The following CUL2 variants were observed in gnomAD, a reference collection of about 807,000 sequenced individuals.
CUL2 encodes the protein cullin 2.
In CUL2, 22 loss-of-function variants were observed where a neutral mutation model predicts 110.2. The observed-to-expected ratio is 0.20, with a 90% confidence interval of 0.14 to 0.28. CUL2 has a LOEUF of 0.28. Among genes scored for constraint, CUL2 ranks in the 10% least tolerant of loss-of-function variants. The probability of loss-of-function intolerance (pLI) is 1.00; values close to 1 mark genes in which losing one functional copy is unlikely to be tolerated. For missense variants in CUL2, 631 were observed against 905.5 expected, an observed-to-expected ratio of 0.70 and a Z score of 3.89; for synonymous variants, 279 against 293.2, an observed-to-expected ratio of 0.95 and a Z score of 0.49.
chr10:35,009,465 T>A lies in CUL2; in HGVS notation c.*846A>T, dbSNP rs1268075830. The A allele has an allele frequency of 6.6e-6, 1 of 151,976 alleles. No individual in the cohort carries two copies. The highest frequency in any genetic ancestry group is 1.9e-4 in the East Asian group (1 of 5,170). 9.4% of individuals were successfully genotyped at this position (151,976 alleles called of 1,614,324 possible). A position where few individuals can be genotyped will look rare whatever the true frequency, so the allele number is the denominator to read the frequency against. ...AGGCCACAGAGCTAGGGTACTAGTC[T>A]ATGCTAGAATTAATGGATTATGCAA... On this transcript the variant is annotated 3_prime_UTR_variant, in exon 21 of 21. Transcript: ENST00000374749.
intron 3 of CUL2, among the ~76,000 whole-genome samples, chr10:35,062,245 C>G (rs1249754514): frequency 6.6e-6 from 1 of 152,112 alleles, no homozygotes; most frequent in African/African-American, 2.4e-5. Flanking sequence ...AATAAAAAAA[C>G]TGGTCACAGA....
intron 2 of CUL2, among the ~76,000 whole-genome samples, chr10:35,069,393 CA>C (rs1390437852): frequency 1.3e-5 from 2 of 151,766 alleles, no homozygotes; most frequent in Non-Finnish European, 2.9e-5. Context: ...TTTTAAAAAT[CA>C]GCCAGGTGTG....
intron 1 of CUL2, among the ~76,000 whole-genome samples, chr10:35,073,591 TTTTTTC>T (rs59923574): frequency 2.6e-4 from 40 of 151,974 alleles, no homozygotes; most frequent in African/African-American, 6.7e-4. Context: ...TTTTCTTTTT[TTTTTTC>T]TTTTTCTTTT....
At position 35,032,510 on chromosome 10, in the gene CUL2, C is replaced by T. The variant is rs376362980; in HGVS notation, c.1111-16G>A. 4.1e-5 allele frequency: 64 copies of T among 1,574,426 alleles called. No homozygotes were observed. The highest frequency in any genetic ancestry group is 1.0e-4 in the Admixed American group (5 of 49,638). On this transcript the variant is annotated splice_polypyrimidine_tract_variant and intron_variant, in intron 11 of 20. Transcript: ENST00000374749. ...ACGTAAGGGCCTGAATAAAAAAACA[C>T]GCCATAATTAACCACCAGCCATAGG... is the stretch of plus-strand genomic sequence containing the variant.
chr10:35,113,512 A>AAAC (rs2087550229), intron 1 of CUL2, among the ~76,000 whole-genome samples: 3 of 141,056 alleles, frequency 2.1e-5, no homozygotes, highest in Non-Finnish European at 4.5e-5. Context: ...AAAAAAAAAA[A>AAAC]AAAAAAAAAA....
chr10:35,110,748 CTG>C (rs1471775731), intron 1 of CUL2, among the ~76,000 whole-genome samples: 1 of 152,112 alleles, frequency 6.6e-6, no homozygotes, highest in Non-Finnish European at 1.5e-5. Context: ...ACATTTGTCT[CTG>C]TGTGCATGCA....
intron 5 of CUL2, 64 bp from the exon 6 acceptor site, chr10:35,049,829 G>T: frequency 9.0e-7 from 1 of 1,112,308 alleles, no homozygotes; most frequent in Non-Finnish European, 1.3e-6. Context: ...ATTTCCTCAA[G>T]GTTTTTTTTA....
At chr10:35,121,809 CAAA>C (rs148455667) in intron 1 of CUL2, among the ~76,000 whole-genome samples, 7 of 94,086 alleles carry the variant, frequency 7.4e-5, no homozygotes, top group Admixed American at 1.2e-4. Context: ...GACCCTGTCT[CAAA>C]AAAAAAAAAA....
chr10:35,083,932 G>A (rs929400251), intron 1 of CUL2, among the ~76,000 whole-genome samples: 4 of 152,106 alleles, frequency 2.6e-5, no homozygotes, highest in Non-Finnish European at 5.9e-5. Flanking sequence ...AATAGAGAAA[G>A]ACTAAGTCAC....
At position 35,035,200 on chromosome 10, in the gene CUL2, C is replaced by T. The variant is rs748091949; in HGVS notation, c.974G>A (p.Arg325Gln). 7 of 1,613,990 alleles carry T rather than the reference C, an allele frequency of 4.3e-6. No individual in the cohort carries two copies. Among genetic ancestry groups the T allele is most frequent in the Admixed American group, 1.7e-5 (1 of 59,992 alleles). Residue 325 changes from arginine to glutamine, a missense_variant, in exon 10 of 21, where the codon CGA (arginine) becomes CAA (glutamine). Coordinates refer to ENST00000374749, the MANE Select transcript of CUL2 (RefSeq NM_003591.4). ...TTCCTGAGTAAGGTTGCTGGTTGCT[C>T]GAAGGCCCTCATCATGGATGTGGTT... ...LQNHIHDEGLRATSNLTQENM... is the reference protein window; with the variant it reads ...LQNHIHDEGLQATSNLTQENM...
chr10:35,044,240 A>G (rs1360312357), intron 8 of CUL2, among the ~76,000 whole-genome samples: 1 of 152,040 alleles, frequency 6.6e-6, no homozygotes, highest in Non-Finnish European at 1.5e-5. Context: ...TATTCTCTAA[A>G]CTAACCACTA....
chr10:35,080,747 A>G (rs1213126781), intron 1 of CUL2, among the ~76,000 whole-genome samples: 1 of 152,112 alleles, frequency 6.6e-6, no homozygotes, highest in Non-Finnish European at 1.5e-5. Context: ...GTGCCACCGC[A>G]CCCAGCCTAG....
intron 1 of CUL2, among the ~76,000 whole-genome samples, chr10:35,101,921 A>C (rs1285601195): frequency 1.3e-5 from 2 of 152,178 alleles, no homozygotes; most frequent in Non-Finnish European, 2.9e-5. Context: ...GCTGTAACAT[A>C]CCTAAGTTAT....
At chr10:35,079,015 A>C (rs781714164) in intron 1 of CUL2, among the ~76,000 whole-genome samples, 27 of 152,144 alleles carry the variant, frequency 1.8e-4, no homozygotes, top group Non-Finnish European at 3.5e-4. Flanking sequence ...AGACCCAATA[A>C]AGAGCCTTAC....
intron 16 of CUL2, among the ~76,000 whole-genome samples, chr10:35,028,495 G>A (rs1379818640): frequency 1.3e-5 from 2 of 152,114 alleles, no homozygotes; most frequent in African/African-American, 4.8e-5. Context: ...TGATATTTTA[G>A]GTGTTGAATT....
At chr10:35,126,859 G>A (rs748620115), upstream of CUL2, 1 of 152,288 alleles carries the variant, frequency 6.6e-6, no homozygotes, top group Non-Finnish European at 1.5e-5. Flanking sequence ...GTTGGATTGT[G>A]GCGCTTCACT....
At chr10:35,098,844 G>T (rs568548096) in intron 2 of CUL2, among the ~76,000 whole-genome samples, 3 of 152,172 alleles carry the variant, frequency 2.0e-5, no homozygotes, top group African/African-American at 4.8e-5. Context: ...TGACGCAGGA[G>T]AATTGCTTGA....
In CUL2 at chr10:35,054,417, C is replaced by T. The variant is rs758893130; in HGVS notation, c.423+17G>A. 1.5e-6 allele frequency: 2 copies of T among 1,374,364 alleles called. No homozygotes were observed. Among genetic ancestry groups the T allele is most frequent in the South Asian group, 2.6e-5 (2 of 77,294 alleles). 85.1% of individuals were successfully genotyped at this position (1,374,364 alleles called of 1,614,324 possible). On this transcript the variant is annotated intron_variant, in intron 5 of 20. Transcript: ENST00000374749. ...AAAACATACTTATGTTTGCTAGTCA[C>T]TTAAAGAATGTCCTACCTCTCCTAT...
chr10:35,081,937 G>T (rs1456881729), intron 1 of CUL2, among the ~76,000 whole-genome samples: 1 of 152,098 alleles, frequency 6.6e-6, no homozygotes, highest in African/African-American at 2.4e-5. Context: ...AATTAAAAAG[G>T]GGATACAGTT....
Sources: allele counts gnomAD v4.1 joint callset (sites outside exome capture counted in the v4.1 genomes callset), GRCh38; gene constraint gnomAD v4.1.1; transcripts MANE v1.5; gene names NCBI Gene and HGNC (gene_info 2026-07-23, HGNC 2026-07-21).